NFIB: variants seen among roughly 807,000 people sequenced by gnomAD.
The protein encoded by NFIB is nuclear factor I B, also known as nuclear factor 1 B-type.
Under a neutral mutation model 61.5 loss-of-function variants are expected in NFIB, and 11 were observed. That is an observed-to-expected ratio of 0.18 (90% CI 0.11 to 0.30). NFIB has a LOEUF of 0.30. Ranked by LOEUF, NFIB falls within the 10% of genes least tolerant of loss-of-function variation. NFIB has a pLI of 1.00. For missense variants in NFIB, 471 were observed against 608.9 expected (o/e 0.77, Z 2.38); for synonymous variants, 260 against 216.5 (o/e 1.20, Z -1.76).
the NFIB span, among the ~76,000 whole-genome samples, chr9:14,506,023 T>G: frequency 1.3e-5 from 2 of 152,146 alleles, no homozygotes; most frequent in Non-Finnish European, 2.9e-5. Context: ...ATAAAACATA[T>G]GCAGCCAAAT....
At chr9:14,485,258 T>C in the NFIB span, among the ~76,000 whole-genome samples, 2 of 152,176 alleles carry the variant, frequency 1.3e-5, no homozygotes, top group African/African-American at 2.4e-5. Context: ...GGAAGGGATA[T>C]TACAAATTTA....
chr9:14,094,234 T>C lies in NFIB; in HGVS notation c.1468-5908A>G, dbSNP rs1303833945. ...TTTCTCACTGGACTAGAAGTTATAT[T>C]ATCACTGAATTATGCAAGAGACTTT... On this transcript the variant is annotated intron_variant, in intron 10 of 10. Coordinates refer to ENST00000380953, the MANE Select transcript of NFIB (RefSeq NM_001190737.2). 2.0e-5 allele frequency: 3 copies of C among 152,122 alleles called. 1 individual carries two copies. Among genetic ancestry groups the C allele is most frequent in the Admixed American group, 2.0e-4 (3 of 15,244 alleles). 9.4% of individuals were successfully genotyped at this position (152,122 alleles called of 1,614,324 possible). A position where few individuals can be genotyped will look rare whatever the true frequency, so the allele number is the denominator to read the frequency against.
At chr9:14,457,673 G>C in the NFIB span, among the ~76,000 whole-genome samples, 1 of 151,806 alleles carries the variant, frequency 6.6e-6, no homozygotes, top group Admixed American at 6.6e-5. Context: ...AATAAAAAAT[G>C]ATAAAGGGGT....
At chr9:14,367,644 G>T (rs1365503343) in intron 1 of NFIB, among the ~76,000 whole-genome samples, 1 of 152,152 alleles carries the variant, frequency 6.6e-6, no homozygotes, top group Non-Finnish European at 1.5e-5. Flanking sequence ...GCCCATCAAT[G>T]ATAGACTGGA....
intron 1 of NFIB, among the ~76,000 whole-genome samples, chr9:14,392,625 C>G (rs28373404): frequency 0.082 from 12,386 of 151,768 alleles, 1,548 homozygotes; most frequent in African/African-American, 0.27. Flanking sequence ...CTACTCAGGA[C>G]GCTGAGATCT....
chr9:14,350,517 G>T (rs981864908), intron 1 of NFIB, among the ~76,000 whole-genome samples: 4 of 151,950 alleles, frequency 2.6e-5, no homozygotes, highest in African/African-American at 7.3e-5. Context: ...GGTGGGGTGG[G>T]GGGGGAAGTT....
chr9:14,089,656 G>T (rs1465160944), intron 10 of NFIB, among the ~76,000 whole-genome samples: 1 of 152,086 alleles, frequency 6.6e-6, no homozygotes, highest in Non-Finnish European at 1.5e-5. Flanking sequence ...TACTTTCGAG[G>T]TTTTAAATTT....
At chr9:14,232,028 T>C (rs767253056) in intron 2 of NFIB, among the ~76,000 whole-genome samples, 4 of 152,218 alleles carry the variant, frequency 2.6e-5, no homozygotes, top group Non-Finnish European at 4.4e-5. Context: ...CAAAAGATCC[T>C]AAGGTAAATC....
the NFIB span, among the ~76,000 whole-genome samples, chr9:14,479,010 GC>G: frequency 2.6e-5 from 4 of 152,132 alleles, no homozygotes; most frequent in Admixed American, 1.3e-4. Flanking sequence ...CATCATCCTT[GC>G]AGATGTTAAA....
the NFIB span, among the ~76,000 whole-genome samples, chr9:14,437,820 A>G: frequency 6.6e-6 from 1 of 152,020 alleles, no homozygotes; most frequent in African/African-American, 2.4e-5. Context: ...GGGGGTAGGG[A>G]AATGACAGTC....
intron 2 of NFIB, among the ~76,000 whole-genome samples, chr9:14,252,055 T>C (rs773053203): frequency 1.3e-5 from 2 of 152,234 alleles, no homozygotes; most frequent in Admixed American, 6.5e-5. Context: ...CAAGGGTACA[T>C]GCATGTAAGG....
intron 2 of NFIB, among the ~76,000 whole-genome samples, chr9:14,292,355 G>A (rs968078593): frequency 1.3e-5 from 2 of 152,084 alleles, no homozygotes; most frequent in Non-Finnish European, 2.9e-5. Context: ...TGAACCAAAT[G>A]AGTTAACTAT....
rs529115180 is a variant in NFIB, at chr9:14,273,074, G to A, written c.562+33915C>T. On this transcript the variant is annotated intron_variant, in intron 2 of 10. Transcript: ENST00000380953. ...AAGAAAACATGCCCAGCCAGGGCAC[G>A]CCAGGGAGAAAGAAGATCACTCATT... Among the ~76,000 whole-genome samples the A allele has an allele frequency of 8.3e-4, 127 of 152,238 alleles. 1 individual carries two copies. The highest frequency in any genetic ancestry group is 3.0e-3 in the African/African-American group (123 of 41,540).
chr9:14,096,446 T>C (rs962811355), intron 10 of NFIB: 2 of 152,146 alleles, frequency 1.3e-5, no homozygotes, highest in African/African-American at 2.4e-5. Context: ...GCTCAGAAAA[T>C]ATCACGGAAA....
chr9:14,360,641 C>T (rs1308382083), intron 1 of NFIB, among the ~76,000 whole-genome samples: 12 of 151,538 alleles, frequency 7.9e-5, no homozygotes, highest in Admixed American at 2.6e-4. Flanking sequence ...GCCTCCCGGG[C>T]TCACACCATT....
chr9:14,521,549 AATAAG>A, the NFIB span, among the ~76,000 whole-genome samples: 6,823 of 152,260 alleles, frequency 0.045, 465 homozygotes, highest in African/African-American at 0.15. Flanking sequence ...GTTATTTAAT[AATAAG>A]ATAATATATG....
intron 2 of NFIB, among the ~76,000 whole-genome samples, chr9:14,252,107 TGAGA>T (rs907790197): frequency 2.0e-5 from 3 of 152,214 alleles, no homozygotes; most frequent in African/African-American, 7.2e-5. Context: ...TATCTTTCGG[TGAGA>T]GAAAGTATTT....
the NFIB span, among the ~76,000 whole-genome samples, chr9:14,444,960 T>A: frequency 6.6e-6 from 1 of 152,048 alleles, no homozygotes; most frequent in African/African-American, 2.4e-5. Flanking sequence ...ATTGTTCAAC[T>A]GTGCTTGCTT....
the NFIB span, among the ~76,000 whole-genome samples, chr9:14,467,783 C>G: frequency 6.6e-6 from 1 of 152,156 alleles, no homozygotes; most frequent in African/African-American, 2.4e-5. Context: ...CTGTGGAGCC[C>G]TTGCAGGAGG....
Sources: allele counts gnomAD v4.1 joint callset (sites outside exome capture counted in the v4.1 genomes callset), GRCh38; gene constraint gnomAD v4.1.1; transcripts MANE v1.5; gene names NCBI Gene and HGNC (gene_info 2026-07-23, HGNC 2026-07-21).